Variants in CSMD1 observed in about 807,000 individuals in gnomAD.
CSMD1 encodes the protein CUB and sushi domain-containing protein 1.
In CSMD1, 213 loss-of-function variants were observed where a neutral mutation model predicts 417.5. That is an observed-to-expected ratio of 0.51 (90% CI 0.46 to 0.57). CSMD1 has a LOEUF of 0.57. Among genes scored for constraint, CSMD1 ranks in the 20% least tolerant of loss-of-function variants. CSMD1 has a pLI of 0.00. For missense variants in CSMD1, 6,923 were observed against 4,529.7 expected (o/e 1.53, Z -15.17); for synonymous variants, 2,862 against 1,736.8 (o/e 1.65, Z -16.11).
chr8:3,937,251 G>A (rs146727077), intron 5 of CSMD1, among the ~76,000 whole-genome samples: 6 of 152,076 alleles, frequency 3.9e-5, no homozygotes, highest in Non-Finnish European at 7.4e-5. Flanking sequence ...TAATAAAGCA[G>A]CAGCAGGGTT....
intron 1 of CSMD1, among the ~76,000 whole-genome samples, chr8:4,762,575 ACAGG>A (rs1203416169): frequency 1.3e-5 from 2 of 152,128 alleles, no homozygotes; most frequent in African/African-American, 4.8e-5. Context: ...TCCCATCAAC[ACAGG>A]AAGAACCAGT....
chr8:3,304,730 CTT>C lies in CSMD1; in HGVS notation c.3950+2963_3950+2964del, dbSNP rs10688027. Among the ~76,000 whole-genome samples the C allele has an allele frequency of 1.9e-3, 285 of 151,732 alleles. 2 individuals carry two copies. The highest frequency in any genetic ancestry group is 6.2e-3 in the African/African-American group (258 of 41,400). On this transcript the variant is annotated intron_variant, in intron 25 of 69. Coordinates refer to ENST00000635120, the MANE Select transcript of CSMD1 (RefSeq NM_033225.6). Reference sequence around the variant, plus strand: ...TATTCAAATATTTTTTTATTTTTCTCTTTTTAATTTTTTTTATTAAAATGTTA... The same window carrying C: ...TATTCAAATATTTTTTTATTTTTCTCTTTAATTTTTTTTATTAAAATGTTA...
intron 16 of CSMD1, among the ~76,000 whole-genome samples, chr8:3,397,865 C>G (rs1330570840): frequency 2.6e-5 from 4 of 152,104 alleles, no homozygotes; most frequent in Non-Finnish European, 1.5e-5. Flanking sequence ...GCACAGAGCT[C>G]AGAATTTGTG....
At chr8:4,248,613 A>T (rs987880026) in intron 3 of CSMD1, among the ~76,000 whole-genome samples, 1 of 152,164 alleles carries the variant, frequency 6.6e-6, no homozygotes, top group African/African-American at 2.4e-5. Context: ...GAACTTCTCG[A>T]AAAGACCTTT....
rs530961419 is a variant in CSMD1 at position 3,668,821 on chromosome 8, G to C, written c.1009+39593C>G. On this transcript the variant is annotated intron_variant, in intron 7 of 69. Transcript: ENST00000635120. Reference sequence around the variant, plus strand: ...GTTGCCTTAGACAATTTGCTGTTAAGTAAAGTTATAGAATGAACACAATTA... The same window carrying C: ...GTTGCCTTAGACAATTTGCTGTTAACTAAAGTTATAGAATGAACACAATTA... 4.7e-4 allele frequency among the ~76,000 whole-genome samples: 72 copies of C among 152,246 alleles called. 1 individual carries two copies. Among genetic ancestry groups the C allele is most frequent in the African/African-American group, 1.7e-3 (70 of 41,550 alleles).
chr8:3,115,306 A>G (rs949897080), intron 42 of CSMD1, among the ~76,000 whole-genome samples: 2 of 143,392 alleles, frequency 1.4e-5, no homozygotes, highest in Admixed American at 1.5e-4. Flanking sequence ...CGTTCAAGTG[A>G]TTCTCCTGCC....
At chr8:4,477,682 C>A (rs10101341) in intron 2 of CSMD1, among the ~76,000 whole-genome samples, 58,056 of 151,926 alleles carry the variant, frequency 0.38, 13,231 homozygotes, top group Non-Finnish European at 0.5. Flanking sequence ...CAAGGCATGT[C>A]CCCAAAGGAT....
chr8:3,558,318 GATGA>G (rs1563152076), intron 10 of CSMD1, among the ~76,000 whole-genome samples: 4 of 138,472 alleles, frequency 2.9e-5, no homozygotes, highest in Non-Finnish European at 4.8e-5. Flanking sequence ...CTCCTCCAAT[GATGA>G]ATGATGCCTC....
chr8:4,245,520 C>G (rs1313129866), intron 3 of CSMD1, among the ~76,000 whole-genome samples: 1 of 152,134 alleles, frequency 6.6e-6, no homozygotes, highest in Non-Finnish European at 1.5e-5. Context: ...TTTCCCAATC[C>G]ATGGTCTCTC....
chr8:3,688,476 C>T (rs577767559), intron 7 of CSMD1, among the ~76,000 whole-genome samples: 1 of 152,136 alleles, frequency 6.6e-6, no homozygotes, highest in Non-Finnish European at 1.5e-5. Context: ...TCTCTGTTCC[C>T]TAATGTCAAA....
chr8:4,385,343 T>G (rs1803377531), intron 3 of CSMD1, among the ~76,000 whole-genome samples: 1 of 151,728 alleles, frequency 6.6e-6, no homozygotes. Flanking sequence ...AAACGGGCCC[T>G]TCACTGCCAC....
chr8:4,810,473 G>A (rs1756049245), intron 1 of CSMD1, among the ~76,000 whole-genome samples: 1 of 152,092 alleles, frequency 6.6e-6, no homozygotes, highest in African/African-American at 2.4e-5. Context: ...TACCACCCGA[G>A]TCATGTTTGA....
chr8:3,311,027 G>T (rs1408104721), intron 23 of CSMD1, among the ~76,000 whole-genome samples: 1 of 152,148 alleles, frequency 6.6e-6, no homozygotes, highest in Non-Finnish European at 1.5e-5. Flanking sequence ...CTTAACAAAT[G>T]AGGTTACGTC....
At chr8:4,402,002 C>T (rs1208096515) in intron 3 of CSMD1, among the ~76,000 whole-genome samples, 1 of 151,966 alleles carries the variant, frequency 6.6e-6, no homozygotes, top group Non-Finnish European at 1.5e-5. Flanking sequence ...CTGCCACATT[C>T]CTGCTGCTAC....
In CSMD1 at chr8:3,406,351, G is replaced by A. The variant is rs879532281; in HGVS notation, c.2072-130C>T. The A allele has an allele frequency of 1.4e-5, 9 of 662,854 alleles. No individual in the cohort carries two copies. The East Asian group carries it at 2.3e-4, about 17-fold the overall frequency. The allele number at this position is 662,854 out of a possible 1,614,324, so 41.1% of individuals were successfully genotyped here. On this transcript the variant is annotated intron_variant, in intron 14 of 69. Transcript: ENST00000635120. Reference sequence around the variant, plus strand: ...GTATATAATTATATAAATTTCAGTTGTATCATTCATAGATAGATAATACAT... The same window carrying A: ...GTATATAATTATATAAATTTCAGTTATATCATTCATAGATAGATAATACAT...
intron 5 of CSMD1, among the ~76,000 whole-genome samples, chr8:3,865,575 G>A (rs1288917468): frequency 6.6e-6 from 1 of 152,110 alleles, no homozygotes; most frequent in African/African-American, 2.4e-5. Flanking sequence ...GAAGCCGCAG[G>A]AGAATTCAGG....
intron 8 of CSMD1, among the ~76,000 whole-genome samples, chr8:3,602,915 A>G (rs371801958): frequency 2.0e-5 from 3 of 152,164 alleles, no homozygotes; most frequent in East Asian, 1.9e-4. Flanking sequence ...ACAATCACCT[A>G]TTTTCTCAGA....
At chr8:3,104,159 G>T (rs934798659) in intron 46 of CSMD1, among the ~76,000 whole-genome samples, 2 of 152,250 alleles carry the variant, frequency 1.3e-5, no homozygotes, top group Non-Finnish European at 2.9e-5. Context: ...GGCTTTGTTT[G>T]TTGGGATTAA....
At chr8:3,037,424 G>A (rs1358764991) in intron 50 of CSMD1, among the ~76,000 whole-genome samples, 1 of 151,794 alleles carries the variant, frequency 6.6e-6, no homozygotes, top group East Asian at 1.9e-4. Context: ...TAGCCAGGGT[G>A]GTCTGGATCT....
Sources: gnomAD v4.1 joint callset for allele counts (sites outside exome capture counted in the v4.1 genomes callset) on GRCh38, gnomAD v4.1.1 for gene constraint, MANE v1.5 for transcripts, NCBI Gene and HGNC (gene_info 2026-07-23, HGNC 2026-07-21) for gene names.